The following PCDHGA11 variants were observed in gnomAD, a reference collection of about 807,000 sequenced individuals.
PCDHGA11 encodes the protein protocadherin gamma-A11.
A neutral mutation model predicts 60.4 loss-of-function variants in PCDHGA11; 39 were observed. The ratio of observed to expected loss-of-function variants is 0.65; its 90% CI spans 0.50 to 0.84. PCDHGA11 has a LOEUF of 0.84. Among genes scored for constraint, PCDHGA11 ranks in the 40% least tolerant of loss-of-function variants. The probability of loss-of-function intolerance (pLI) is 0.00; values close to 1 mark genes in which losing one functional copy is unlikely to be tolerated. For missense variants in PCDHGA11, 1,165 were observed against 1,197.7 expected (o/e 0.97, Z 0.40); for synonymous variants, 533 against 510.3 (o/e 1.04, Z -0.60).
chr5:141,494,142 A>G (rs2099752161), intron 1 of PCDHGA11, among the ~76,000 whole-genome samples: 1 of 152,090 alleles, frequency 6.6e-6, no homozygotes, highest in South Asian at 2.1e-4. Context: ...TTAGTCACAG[A>G]CCATTGTCTG....
chr5:141,438,764 C>T (rs963627140), intron 1 of PCDHGA11, among the ~76,000 whole-genome samples: 38 of 148,736 alleles, frequency 2.6e-4, no homozygotes, highest in African/African-American at 9.4e-4. Context: ...TGGGTTCAAG[C>T]GATTCTCCTG....
chr5:141,478,748 A>G (rs2099474609), intron 1 of PCDHGA11: 2 of 1,525,644 alleles, frequency 1.3e-6, no homozygotes, highest in African/African-American at 1.4e-5. Context: ...GTCCCATTTC[A>G]GGGGGAAGAT....
At position 141,430,558 on chromosome 5, in the gene PCDHGA11, G is replaced by A. The variant is rs1472516429; in HGVS notation, c.2433+6898G>A. 2.2e-5 allele frequency: 9 copies of A among 417,488 alleles called. No homozygotes were observed. In the East Asian group the frequency reaches 3.3e-4, roughly 15 times the overall value. The allele number at this position is 417,488 out of a possible 1,614,324, so 25.9% of individuals were successfully genotyped here. On this transcript the variant is annotated intron_variant, in intron 1 of 3. Transcript: ENST00000398587. ...TCTGAGCGCCGCTGTTCACCAATCGGGGAGAGAAAAGCGGAGATCCTGCTC... is the reference window on the plus strand; with the variant it reads ...TCTGAGCGCCGCTGTTCACCAATCGAGGAGAGAAAAGCGGAGATCCTGCTC...
chr5:141,487,671 G>A lies in PCDHGA11; in HGVS notation c.2434-7136G>A. The A allele has an allele frequency of 6.2e-7, 1 of 1,612,012 alleles. No homozygotes were observed. The highest frequency in any genetic ancestry group is 8.5e-7 in the Non-Finnish European group (1 of 1,178,932). ...GAGGGTTATTCTGATCCAGGCATAT[G>A]GCTAGGCCATGTCCTAGAGAGTACT... On this transcript the variant is annotated intron_variant, in intron 1 of 3. Transcript: ENST00000398587. This position sits in a 1 kb window ranked among gnomAD's most constrained non-coding sequence, Gnocchi z 5.0.
At chr5:141,441,663 G>A (rs777315226) in intron 1 of PCDHGA11, 20 of 260,482 alleles carry the variant, frequency 7.7e-5, no homozygotes, top group Non-Finnish European at 1.2e-4. Context: ...GTCCTTGAGC[G>A]CACAGTGCGC....
intron 1 of PCDHGA11, among the ~76,000 whole-genome samples, chr5:141,456,946 G>A (rs182320066): frequency 2.3e-4 from 35 of 152,284 alleles, no homozygotes; most frequent in Admixed American, 2.3e-3. Context: ...CTGGGCAACA[G>A]AGCAAAACTC....
At chr5:141,447,371 C>G (rs1180989888) in intron 1 of PCDHGA11, among the ~76,000 whole-genome samples, 1 of 151,826 alleles carries the variant, frequency 6.6e-6, no homozygotes, top group African/African-American at 2.4e-5. Context: ...ACTCCTGACC[C>G]TGGTGATCTG....
At chr5:141,446,055 G>A (rs1431833512) in intron 1 of PCDHGA11, among the ~76,000 whole-genome samples, 1 of 152,190 alleles carries the variant, frequency 6.6e-6, no homozygotes, top group Non-Finnish European at 1.5e-5. Flanking sequence ...AGCTGGCTTG[G>A]ATTAAAGGGG....
chr5:141,509,199 GTCTC>G (rs1017134758), intron 3 of PCDHGA11, among the ~76,000 whole-genome samples: 4 of 152,070 alleles, frequency 2.6e-5, no homozygotes, highest in Admixed American at 2.0e-4. Context: ...AATATTTCCT[GTCTC>G]TCTATTTCTC....
At chr5:141,498,338 G>A (rs2237079) in intron 2 of PCDHGA11, among the ~76,000 whole-genome samples, 68,665 of 151,630 alleles carry the variant, frequency 0.45, 15,766 homozygotes, top group Admixed American at 0.55. Flanking sequence ...CATTCCAAAT[G>A]GGAAAAGCCT....
chr5:141,466,686 T>G (rs112499949), intron 1 of PCDHGA11, among the ~76,000 whole-genome samples: 2 of 152,352 alleles, frequency 1.3e-5, no homozygotes, highest in African/African-American at 4.8e-5. Flanking sequence ...CCACTCAAGC[T>G]TCATCATAAA....
At chr5:141,510,518 G>A (rs904482737) in intron 3 of PCDHGA11, among the ~76,000 whole-genome samples, 9 of 152,112 alleles carry the variant, frequency 5.9e-5, no homozygotes, top group Non-Finnish European at 1.0e-4. Flanking sequence ...CCGTGTCACA[G>A]CCCTGAGAGA....
intron 1 of PCDHGA11, among the ~76,000 whole-genome samples, chr5:141,447,652 C>T (rs901761789): frequency 6.6e-6 from 1 of 151,972 alleles, no homozygotes; most frequent in African/African-American, 2.4e-5. Context: ...TAGAATTTTC[C>T]CCCCCAGGAA....
At chr5:141,478,247 G>T in intron 1 of PCDHGA11, 1 of 1,614,076 alleles carries the variant, frequency 6.2e-7, no homozygotes, top group Non-Finnish European at 8.5e-7. Context: ...CACAGTGTTC[G>T]GAGTAATCAT....
At position 141,431,035 on chromosome 5, in the gene PCDHGA11, G is replaced by C; in HGVS notation, c.2433+7375G>C. The C allele has an allele frequency of 6.2e-7, 1 of 1,614,186 alleles. No individual in the cohort carries two copies. Among genetic ancestry groups the C allele is most frequent in the South Asian group, 1.1e-5 (1 of 91,086 alleles). ...TGGTCACGGCGGGCAGGATAGACCG[G>C]GAGGAGCTCTGTATGGGGGCCATCA... On this transcript the variant is annotated intron_variant, in intron 1 of 3. Transcript: ENST00000398587. The surrounding 1 kb of genome is among the most constrained non-coding windows in gnomAD (Gnocchi z 4.8).
In PCDHGA11 at chr5:141,421,488, G is replaced by C; in HGVS notation, c.261G>C (p.Thr87=). The C allele has an allele frequency of 3.1e-6, 5 of 1,614,100 alleles. No individual in the cohort carries two copies. Among genetic ancestry groups the C allele is most frequent in the Non-Finnish European group, 4.2e-6 (5 of 1,179,932 alleles). Residue 87 remains threonine (T), a synonymous_variant, in exon 1 of 4, where the codon ACG becomes ACC. Transcript: ENST00000398587. ...AVNPRSGSLI[T]AGRIDREELC... is the part of the protein sequence containing the mutation. ...ATCCGCGAAGCGGCAGCTTGATCAC[G>C]GCAGGCAGGATAGACCGGGAGGAGC...
intron 1 of PCDHGA11, 36 bp downstream of exon 1, chr5:141,423,696 T>A: frequency 4.0e-6 from 6 of 1,492,822 alleles, no homozygotes; most frequent in Non-Finnish European, 5.3e-6. Flanking sequence ...ATTGTTGGTG[T>A]CTTGGCACAA....
At chr5:141,473,369 G>A (rs888984972) in intron 1 of PCDHGA11, among the ~76,000 whole-genome samples, 1 of 152,200 alleles carries the variant, frequency 6.6e-6, no homozygotes, top group African/African-American at 2.4e-5. Context: ...CACCAAAATA[G>A]CATGGTCCCT....
At position 141,511,187 on chromosome 5, in the gene PCDHGA11, C is replaced by T; in HGVS notation, c.*14C>T. The stretch of plus-strand genomic sequence containing the variant: ...GAGAAGAAGTAACATGGAGGCCAGG[C>T]CAAGAGCCACAGGGCGGCCTCTCCC... On this transcript the variant is annotated 3_prime_UTR_variant, in exon 4 of 4. Transcript: ENST00000398587. The T allele has an allele frequency of 1.2e-6, 2 of 1,613,868 alleles. No homozygotes were observed. The highest frequency in any genetic ancestry group is 1.7e-6 in the Non-Finnish European group (2 of 1,179,878).
Sources: allele counts gnomAD v4.1 joint callset (sites outside exome capture counted in the v4.1 genomes callset), GRCh38; gene constraint gnomAD v4.1.1; non-coding constraint Gnocchi (gnomAD v3.1); transcripts MANE v1.5; gene names NCBI Gene and HGNC (gene_info 2026-07-23, HGNC 2026-07-21).